Variants in CC2D2B observed in about 807,000 individuals in gnomAD.
CC2D2B encodes coiled-coil and C2 domain containing 2B.
Under a neutral mutation model 161.2 loss-of-function variants are expected in CC2D2B, and 128 were observed. The observed-to-expected ratio is 0.79, with a 90% CI of 0.69 to 0.92. The LOEUF is 0.92. Among genes scored for constraint, CC2D2B ranks in the 40% least tolerant of loss-of-function variants. The pLI, the probability that CC2D2B is intolerant of heterozygous loss-of-function variation, is 0.00. For synonymous variants in CC2D2B, 391 were observed against 449.8 expected, an observed-to-expected ratio of 0.87 and a Z score of 1.65; for missense variants, 1,173 against 1,375.1, an observed-to-expected ratio of 0.85 and a Z score of 2.32.
rs769302588 is a variant in CC2D2B, at chr10:96,009,805, A to C, written c.2947-20A>C. 7.9e-7 allele frequency: 1 copy of C among 1,262,596 alleles called. No individual in the cohort carries two copies. Among genetic ancestry groups the C allele is most frequent in the East Asian group, 2.5e-5 (1 of 40,724 alleles). The allele number at this position is 1,262,596 out of a possible 1,614,324, so 78.2% of individuals were successfully genotyped here. ...TCACATGATATTAAGTAAGTAATAA[A>C]AAATTATTTATTTTCATAGGATCAC... On this transcript the variant is annotated intron_variant, in intron 25 of 34. Transcript: ENST00000646931.
chr10:96,027,302 A>G lies in CC2D2B; in HGVS notation c.4038A>G (p.Gln1346=), dbSNP rs2079826653. The part of the protein sequence containing the change: ...WNRQCTFILR[Q]ILPKLEFGIG... The stretch of plus-strand genomic sequence containing the variant: ...GACAGTGTACTTTTATTTTGCGACA[A>G]ATCCTTCCTAAGCTGGAATTTGGCA... The change falls in exon 34 of 35, where the codon CAA becomes CAG. Residue 1346 remains glutamine (Q), a synonymous_variant. Transcript: ENST00000646931. 8.4e-6 allele frequency: 13 copies of G among 1,551,400 alleles called. No homozygotes were observed. The Middle Eastern group carries it at 8.3e-4, about 100-fold the overall frequency.
chr10:95,940,496 T>G (rs1055924456), intron 9 of CC2D2B, among the ~76,000 whole-genome samples: 1 of 152,196 alleles, frequency 6.6e-6, no homozygotes, highest in South Asian at 2.1e-4. Flanking sequence ...TATTCTTCTG[T>G]TTTTATTCTA....
chr10:95,973,839 C>A, intron 16 of CC2D2B, among the ~76,000 whole-genome samples, 170 bp from the exon 17 acceptor site: 2 of 128,180 alleles, frequency 1.6e-5, no homozygotes. Flanking sequence ...CCAGCCTGGG[C>A]ATCAAGAGCA....
At chr10:95,929,791 A>G (rs553890707) in intron 6 of CC2D2B, among the ~76,000 whole-genome samples, 3 of 152,300 alleles carry the variant, frequency 2.0e-5, no homozygotes, top group South Asian at 4.1e-4. Flanking sequence ...CTGTTTGGTT[A>G]CTGTAGCCTT....
intron 19 of CC2D2B, 78 bp from the exon 20 acceptor site, chr10:95,988,172 T>C: frequency 4.4e-6 from 2 of 458,200 alleles, no homozygotes; most frequent in Admixed American, 4.4e-5. Context: ...CTGAAGTGAC[T>C]AGTGATATTT....
At chr10:95,921,643 G>A (rs775985467) in intron 2 of CC2D2B, 2 of 153,710 alleles carry the variant, frequency 1.3e-5, no homozygotes, top group Non-Finnish European at 2.9e-5. Context: ...CATACAAATT[G>A]ATAAAAAGGT....
chr10:96,009,027 A>T (rs1441352705), intron 25 of CC2D2B, among the ~76,000 whole-genome samples: 1 of 152,102 alleles, frequency 6.6e-6, no homozygotes, highest in African/African-American at 2.4e-5. Context: ...AGATTCCTGT[A>T]TCAGTATAAA....
In CC2D2B at chr10:95,966,200, A is replaced by G; in HGVS notation, c.1364A>G (p.Tyr455Cys). 1 of 1,210,202 alleles carries G rather than the reference A, an allele frequency of 8.3e-7. No homozygotes were observed. The highest frequency in any genetic ancestry group is 1.0e-6 in the Non-Finnish European group (1 of 968,222). 75.0% of individuals were successfully genotyped at this position (1,210,202 alleles called of 1,614,324 possible). A position where few individuals can be genotyped will look rare whatever the true frequency, so the allele number is the denominator to read the frequency against. ...TTTTTTGATTTCTAGAGCCTCTCAT[A>G]TCTAGCTTCAGACGAAACAGAAATT... ...KNGKKLESLSYLASDETEIER... is the reference protein window; with the variant it reads ...KNGKKLESLSCLASDETEIER... Residue 455 changes from tyrosine to cysteine, a missense_variant, in exon 14 of 35, where the codon TAT (tyrosine) becomes TGT (cysteine). This residue lies in a region of CC2D2B where 277 missense variants were observed against 420.6 expected (regional missense o/e 0.66). Coordinates refer to ENST00000646931, the MANE Select transcript of CC2D2B (RefSeq NM_001349008.3).
intron 17 of CC2D2B, among the ~76,000 whole-genome samples, chr10:95,978,237 C>T (rs2077388942): frequency 6.6e-6 from 1 of 152,132 alleles, no homozygotes. Flanking sequence ...TGTTTAAAGC[C>T]TCACATCTTT....
intron 11 of CC2D2B, among the ~76,000 whole-genome samples, chr10:95,957,553 A>ATTTTTT (rs869263327): frequency 3.9e-4 from 33 of 83,712 alleles, no homozygotes; most frequent in East Asian, 1.3e-3. Flanking sequence ...GCTGACAATG[A>ATTTTTT]TTTTTTTTTT....
rs189256071 is a variant in CC2D2B, at chr10:95,992,564, C to T, written c.2509C>T (p.Arg837Trp). Residue 837 changes from arginine to tryptophan, a missense_variant, in exon 22 of 35, where the codon CGG becomes TGG. Transcript: ENST00000646931. ...TGCAGTTTGTAAGTTTGTTGAACCA[C>T]GGAGAAAGTTAAAACCTCAGAGGAA... ...TDAVCKFVEPRRKLKPQRKER... is the reference protein window; with the variant it reads ...TDAVCKFVEPWRKLKPQRKER... 165 of 1,234,060 alleles carry T rather than the reference C, an allele frequency of 1.3e-4. No homozygotes were observed. In the African/African-American group the frequency reaches 2.3e-3, roughly 17 times the overall value. 76.4% of individuals were successfully genotyped at this position (1,234,060 alleles called of 1,614,324 possible). A position where few individuals can be genotyped will look rare whatever the true frequency, so the allele number is the denominator to read the frequency against.
rs535156076 is a variant in CC2D2B at position 96,002,527 on chromosome 10, A to G, written c.2850-1625A>G. On this transcript the variant is annotated intron_variant, in intron 24 of 34. Coordinates refer to ENST00000646931, the MANE Select transcript of CC2D2B (RefSeq NM_001349008.3). ...ATGTCAGGAATATACTAAGTTAACA[A>G]GCTAAAAAATGTTGTAAGGATGACA... 8.0e-4 allele frequency among the ~76,000 whole-genome samples: 122 copies of G among 152,354 alleles called. 1 individual carries two copies. Among genetic ancestry groups the G allele is most frequent in the African/African-American group, 2.8e-3 (115 of 41,576 alleles).
intron 23 of CC2D2B, among the ~76,000 whole-genome samples, chr10:95,995,931 TAAGAGA>T (rs1212517855): frequency 6.6e-6 from 1 of 152,214 alleles, no homozygotes; most frequent in Non-Finnish European, 1.5e-5. Flanking sequence ...TTAAAATCCT[TAAGAGA>T]AAGTTCTGTT....
At chr10:96,006,479 T>C (rs1034726755) in intron 25 of CC2D2B, among the ~76,000 whole-genome samples, 1 of 152,032 alleles carries the variant, frequency 6.6e-6, no homozygotes, top group Non-Finnish European at 1.5e-5. Flanking sequence ...AAACTTTTGA[T>C]TTTAAATTTC....
chr10:95,910,077 G>A (rs2098503370), intron 1 of CC2D2B, among the ~76,000 whole-genome samples: 1 of 152,134 alleles, frequency 6.6e-6, no homozygotes, highest in Non-Finnish European at 1.5e-5. Flanking sequence ...GATCACTTGA[G>A]CCCAGGAGTT....
At chr10:95,993,408 T>C (rs1439958835) in intron 22 of CC2D2B, among the ~76,000 whole-genome samples, 1 of 152,084 alleles carries the variant, frequency 6.6e-6, no homozygotes, top group Non-Finnish European at 1.5e-5. Context: ...TGTTAGGCAT[T>C]CCCCTCTGTC....
Position 95,992,623 on chromosome 10 carries a change from T to C in CC2D2B, c.2568T>C (p.Ser856=). 2.4e-6 allele frequency: 3 copies of C among 1,232,066 alleles called. No homozygotes were observed. The highest frequency in any genetic ancestry group is 3.0e-6 in the Non-Finnish European group (3 of 986,068). 76.3% of individuals were successfully genotyped at this position (1,232,066 alleles called of 1,614,324 possible). Reference sequence around the variant, plus strand: ...AAAAAGTCACAGCGCAGGCGATCTCTGACGGAGATATTAAGATTCTTGTCC... The same window carrying C: ...AAAAAGTCACAGCGCAGGCGATCTCCGACGGAGATATTAAGATTCTTGTCC... ...ERKKVTAQAI[S]DGDIKILVRI... Residue 856 remains serine, a synonymous_variant, in exon 22 of 35, where the codon TCT becomes TCC. Coordinates refer to ENST00000646931, the MANE Select transcript of CC2D2B (RefSeq NM_001349008.3).
chr10:95,933,759 G>A (rs749025205), intron 6 of CC2D2B, among the ~76,000 whole-genome samples: 11 of 152,264 alleles, frequency 7.2e-5, no homozygotes, highest in Middle Eastern at 3.4e-3. Flanking sequence ...TGGAAGCTTC[G>A]TCCCAGAGGG....
intron 19 of CC2D2B, among the ~76,000 whole-genome samples, chr10:95,984,950 C>T (rs935625804): frequency 2.6e-5 from 4 of 151,442 alleles, no homozygotes; most frequent in African/African-American, 4.9e-5. Flanking sequence ...TTTGAAAATT[C>T]GAAAAAATTT....
Sources: gnomAD v4.1 joint callset for allele counts (sites outside exome capture counted in the v4.1 genomes callset) on GRCh38, gnomAD v4.1.1 for gene constraint, gnomAD v4.1.1 regional missense constraint, MANE v1.5 for transcripts, NCBI Gene and HGNC (gene_info 2026-07-23, HGNC 2026-07-21) for gene names.